Variants in GNA14 observed in about 807,000 individuals in gnomAD.
GNA14 encodes guanine nucleotide-binding protein subunit alpha-14.
GNA14 carries 50 observed loss-of-function variants against 42.0 expected under a neutral mutation model. The observed-to-expected ratio is 1.19, with a 90% CI of 0.95 to 1.51. The LOEUF (loss-of-function observed/expected upper bound fraction) is 1.51, where lower values mean the gene tolerates loss of function less well. Ranked by LOEUF, GNA14 falls within the 40% of genes most tolerant of loss-of-function variation. The pLI is 0.00. For missense variants in GNA14, 473 were observed against 446.2 expected (o/e 1.06, Z -0.54); for synonymous variants, 173 against 163.1 (o/e 1.06, Z -0.46).
At chr9:77,589,223 C>T (rs900580595) in intron 1 of GNA14, among the ~76,000 whole-genome samples, 44 of 152,268 alleles carry the variant, frequency 2.9e-4, no homozygotes, top group African/African-American at 9.4e-4. Flanking sequence ...AATAAATGCT[C>T]ACTTGCAGGG....
intron 1 of GNA14, among the ~76,000 whole-genome samples, chr9:77,589,450 C>T (rs1286061061): frequency 6.6e-6 from 1 of 152,114 alleles, no homozygotes; most frequent in Non-Finnish European, 1.5e-5. Context: ...CCTGGAAGAG[C>T]GGAGAACACT....
intron 1 of GNA14, among the ~76,000 whole-genome samples, chr9:77,605,210 A>G (rs974496520): frequency 6.6e-6 from 1 of 152,240 alleles, no homozygotes; most frequent in African/African-American, 2.4e-5. Flanking sequence ...CACATTTGTC[A>G]AAGTTTCTGT....
At chr9:77,584,747 A>T (rs1386812812) in intron 1 of GNA14, among the ~76,000 whole-genome samples, 1 of 152,252 alleles carries the variant, frequency 6.6e-6, no homozygotes, top group Non-Finnish European at 1.5e-5. Flanking sequence ...GCTACTCCAT[A>T]GACAGAGCAG....
chr9:77,464,331 A>G (rs1002742736), intron 2 of GNA14, among the ~76,000 whole-genome samples: 51 of 142,836 alleles, frequency 3.6e-4, no homozygotes, highest in African/African-American at 1.3e-3. Context: ...GTGTATATAT[A>G]TGTGTGTGTG....
intron 2 of GNA14, among the ~76,000 whole-genome samples, chr9:77,518,368 G>T (rs989198506): frequency 6.6e-6 from 1 of 152,022 alleles, no homozygotes; most frequent in Non-Finnish European, 1.5e-5. Context: ...TCCAAATAAT[G>T]ACCATCATGA....
chr9:77,647,600 C>T, intron 1 of GNA14, 70 bp downstream of exon 1: 1 of 1,529,306 alleles, frequency 6.5e-7, no homozygotes, highest in Non-Finnish European at 8.8e-7. Flanking sequence ...GCGCGGGTGC[C>T]AGTGGAGAGG....
At chr9:77,502,775 TCTGAGTCTTTG>T (rs927382014) in intron 2 of GNA14, among the ~76,000 whole-genome samples, 33 of 152,264 alleles carry the variant, frequency 2.2e-4, no homozygotes, top group Non-Finnish European at 3.1e-4. Context: ...TAGACTTCCC[TCTGAGTCTTTG>T]CTGAGTCTTT....
intron 1 of GNA14, among the ~76,000 whole-genome samples, chr9:77,632,627 G>T (rs544758398): frequency 2.0e-5 from 3 of 152,266 alleles, no homozygotes; most frequent in Non-Finnish European, 2.9e-5. Flanking sequence ...GGGCCCTAAG[G>T]TTCCTGGAGT....
intron 1 of GNA14, among the ~76,000 whole-genome samples, chr9:77,530,528 A>T (rs1298376349): frequency 1.3e-5 from 2 of 152,228 alleles, no homozygotes; most frequent in African/African-American, 4.8e-5. Flanking sequence ...AGACGAATAC[A>T]ATTATCATCT....
chr9:77,599,933 T>C (rs147606712), intron 1 of GNA14, among the ~76,000 whole-genome samples: 3 of 152,326 alleles, frequency 2.0e-5, no homozygotes, highest in African/African-American at 7.2e-5. Context: ...TCATAAAGTA[T>C]CTCAATTTTA....
At chr9:77,463,929 AAG>A (rs3052364) in intron 2 of GNA14, among the ~76,000 whole-genome samples, 17,257 of 152,186 alleles carry the variant, frequency 0.11, 3,017 homozygotes, top group African/African-American at 0.38. Context: ...AAAGAAAAGA[AAG>A]AGAAATATAT....
chr9:77,568,807 G>A (rs76653862), intron 1 of GNA14, among the ~76,000 whole-genome samples: 2,370 of 152,300 alleles, frequency 0.016, 74 homozygotes, highest in African/African-American at 0.054. Context: ...GGCTGCAGAG[G>A]AGATGGGGCT....
intron 2 of GNA14, among the ~76,000 whole-genome samples, chr9:77,482,495 CTTCCT>C (rs929418896): frequency 2.0e-5 from 3 of 152,056 alleles, no homozygotes; most frequent in African/African-American, 7.2e-5. Flanking sequence ...ACATTTTTTC[CTTCCT>C]TTCAACTTTG....
intron 2 of GNA14, among the ~76,000 whole-genome samples, chr9:77,515,960 C>CCAAAA (rs1837248590): frequency 1.9e-5 from 1 of 52,736 alleles, no homozygotes; most frequent in Non-Finnish European, 3.5e-5. Context: ...CCCTGTCTCA[C>CCAAAA]AAAAAAAAAA....
chr9:77,468,318 T>C (rs772692562), intron 2 of GNA14, among the ~76,000 whole-genome samples: 64 of 152,178 alleles, frequency 4.2e-4, no homozygotes, highest in Non-Finnish European at 6.5e-4. Flanking sequence ...CTTCGAATAG[T>C]TGTTTATAAT....
At chr9:77,472,103 C>G (rs141824141) in intron 2 of GNA14, among the ~76,000 whole-genome samples, 1 of 152,174 alleles carries the variant, frequency 6.6e-6, no homozygotes, top group African/African-American at 2.4e-5. Context: ...AAAACCAACT[C>G]CATACAGCTT....
chr9:77,550,551 G>A (rs909256137), intron 1 of GNA14, among the ~76,000 whole-genome samples: 12 of 152,130 alleles, frequency 7.9e-5, no homozygotes, highest in African/African-American at 2.7e-4. Flanking sequence ...AAATACCATC[G>A]CAGTGCACAT....
chr9:77,434,308 G>C, intron 3 of GNA14, 60 bp downstream of exon 3: 1 of 1,498,094 alleles, frequency 6.7e-7, no homozygotes, highest in African/African-American at 1.4e-5. Context: ...AAACTTCTTT[G>C]AAGTGTGGCC....
intron 2 of GNA14, among the ~76,000 whole-genome samples, chr9:77,519,551 C>G (rs1837317678): frequency 6.6e-6 from 1 of 152,036 alleles, no homozygotes; most frequent in Non-Finnish European, 1.5e-5. Flanking sequence ...AGCTTTTAAA[C>G]AAAGTTAAAT....
Sources: allele counts gnomAD v4.1 joint callset (sites outside exome capture counted in the v4.1 genomes callset), GRCh38; gene constraint gnomAD v4.1.1; transcripts MANE v1.5; gene names NCBI Gene and HGNC (gene_info 2026-07-23, HGNC 2026-07-21).